Variants in SLC19A3 observed in about 807,000 individuals in gnomAD.
SLC19A3 encodes the protein thiamine transporter 2.
Under a neutral mutation model 40.2 loss-of-function variants are expected in SLC19A3, and 31 were observed. The ratio of observed to expected loss-of-function variants is 0.77; its 90% CI spans 0.58 to 1.04. The LOEUF (loss-of-function observed/expected upper bound fraction) is 1.04, where lower values mean the gene tolerates loss of function less well. SLC19A3 is among the 50% of genes least tolerant of loss of function. SLC19A3 has a pLI of 0.00. For missense variants in SLC19A3, 592 were observed against 596.7 expected (o/e 0.99, Z 0.08); for synonymous variants, 212 against 227.5 (o/e 0.93, Z 0.61).
chr2:227,708,762 G>C (rs1696040246), intron 1 of SLC19A3, among the ~76,000 whole-genome samples: 1 of 152,080 alleles, frequency 6.6e-6, no homozygotes, highest in Non-Finnish European at 1.5e-5. Context: ...TCCTAATTCT[G>C]TAGCATAGAA....
At position 227,699,245 on chromosome 2, in the gene SLC19A3, A is replaced by G; in HGVS notation, c.470T>C (p.Leu157Pro). The change falls in exon 3 of 6, where the codon CTG becomes CCG. Residue 157 changes from leucine to proline, a missense_variant. Coordinates refer to ENST00000644224, the MANE Select transcript of SLC19A3 (RefSeq NM_025243.4). Reference sequence around the variant, plus strand: ...CGCCAGGGATACCAAGAGTTGAGCCAGCACCGACCCTGCTGTGTAGGCGGC... The same window carrying G: ...CGCCAGGGATACCAAGAGTTGAGCCGGCACCGACCCTGCTGTGTAGGCGGC... ...TLAAYTAGSV[L>P]AQLLVSLANM... is the part of the protein sequence containing the mutation. The G allele has an allele frequency of 6.2e-7, 1 of 1,614,126 alleles. No homozygotes were observed. Among genetic ancestry groups the G allele is most frequent in the Non-Finnish European group, 8.5e-7 (1 of 1,179,980 alleles).
intron 4 of SLC19A3, chr2:227,695,597 G>A (rs1456707111): frequency 8.0e-6 from 3 of 376,314 alleles, no homozygotes; most frequent in East Asian, 6.2e-5. Context: ...AAGAGAGCCA[G>A]GCCATCTCTC....
intron 2 of SLC19A3, chr2:227,701,940 A>G (rs976690875): frequency 3.6e-5 from 18 of 502,206 alleles, no homozygotes; most frequent in African/African-American, 3.5e-4. Context: ...TTAGGACTCT[A>G]TGCAAGTTAA....
In SLC19A3 at chr2:227,703,734, T is replaced by TTA. The variant is rs1695807300; in HGVS notation, c.-2-1415_-2-1414insTA. ...TGGACAGGTGATCACTGAGGCTTGG[T>TTA]CATCTTCTGAAGAGTGGTCTTGCTG... On this transcript the variant is annotated intron_variant, in intron 1 of 5. Transcript: ENST00000644224. The surrounding 1 kb of genome is among the most constrained non-coding windows in gnomAD (Gnocchi z 4.7). Among the ~76,000 whole-genome samples the TTA allele has an allele frequency of 1.3e-5, 2 of 151,992 alleles. No individual in the cohort carries two copies. Among genetic ancestry groups the TTA allele is most frequent in the African/African-American group, 4.8e-5 (2 of 41,396 alleles).
At chr2:227,697,575 T>C (rs1457251758) in intron 3 of SLC19A3, among the ~76,000 whole-genome samples, 1 of 152,208 alleles carries the variant, frequency 6.6e-6, no homozygotes, top group Non-Finnish European at 1.5e-5. Context: ...TCAAATCCTG[T>C]ATTAACAAAA....
In SLC19A3 at chr2:227,687,159, G is replaced by C. The variant is rs1574539804; in HGVS notation, c.*238C>G. 9.6e-6 allele frequency: 4 copies of C among 418,054 alleles called. No homozygotes were observed. The East Asian group carries it at 1.6e-4, about 17-fold the overall frequency. 25.9% of individuals were successfully genotyped at this position (418,054 alleles called of 1,614,324 possible). ...ATTTTCCAGCTGCTACTAGTCACAG[G>C]GGGTCCCCAATATGGGTTGTTTAAT... On this transcript the variant is annotated 3_prime_UTR_variant, in exon 6 of 6. Coordinates refer to ENST00000644224, the MANE Select transcript of SLC19A3 (RefSeq NM_025243.4).
chr2:227,697,527 G>C (rs942671744), intron 3 of SLC19A3, among the ~76,000 whole-genome samples: 24 of 152,124 alleles, frequency 1.6e-4, no homozygotes, highest in African/African-American at 5.8e-4. Flanking sequence ...AGTTGTTGGT[G>C]TATAGCCTAG....
rs1465499049 is a variant in SLC19A3, at chr2:227,695,924, G to A, written c.1137C>T (p.Phe379=). The A allele has an allele frequency of 3.7e-6, 6 of 1,614,046 alleles. No homozygotes were observed. The highest frequency in any genetic ancestry group is 1.3e-5 in the African/African-American group (1 of 74,920). ...TTATAAGAAGCATATAGCTGGACTTGAATATCAAATAGCCAGCATAGCACG... is the reference window on the plus strand; with the variant it reads ...TTATAAGAAGCATATAGCTGGACTTAAATATCAAATAGCCAGCATAGCACG... ...IWACYAGYLI[F]KSSYMLLITI... The change falls in exon 4 of 6, where the codon TTC becomes TTT. Residue 379 remains phenylalanine (F), a synonymous_variant. Coordinates refer to ENST00000644224, the MANE Select transcript of SLC19A3 (RefSeq NM_025243.4).
intron 1 of SLC19A3, chr2:227,706,170 G>A (rs1695933643): frequency 4.1e-6 from 2 of 489,708 alleles, no homozygotes; most frequent in Non-Finnish European, 6.4e-6. Context: ...TTCTGGAATA[G>A]ACTGTTCTTT....
At chr2:227,690,907 T>C (rs1695202608) in intron 4 of SLC19A3, among the ~76,000 whole-genome samples, 1 of 151,972 alleles carries the variant, frequency 6.6e-6, no homozygotes, top group African/African-American at 2.4e-5. Flanking sequence ...TAATCTGCAC[T>C]ATAGAAAAAA....
chr2:227,701,075 G>A (rs761221193), intron 2 of SLC19A3: 1 of 1,303,056 alleles, frequency 7.7e-7, no homozygotes, highest in African/African-American at 1.5e-5. Flanking sequence ...CCCTGCATCT[G>A]TCCTTTGTTG....
At position 227,703,803 on chromosome 2, in the gene SLC19A3, T is replaced by C. The variant is rs1354783459; in HGVS notation, c.-2-1483A>G. Among the ~76,000 whole-genome samples the C allele has an allele frequency of 3.9e-5, 6 of 152,146 alleles. No homozygotes were observed. The highest frequency in any genetic ancestry group is 2.0e-4 in the Admixed American group (3 of 15,272). ...CTATATCCAGAGCCTCCTCTCCACC[T>C]TTGCTGACCACGGATTTGTTCTCTA... On this transcript the variant is annotated intron_variant, in intron 1 of 5. Transcript: ENST00000644224. The surrounding 1 kb of genome is among the most constrained non-coding windows in gnomAD (Gnocchi z 4.7).
At chr2:227,706,496 T>C in intron 1 of SLC19A3, 3 of 1,218,336 alleles carry the variant, frequency 2.5e-6, no homozygotes, top group Non-Finnish European at 3.1e-6. Flanking sequence ...AAAGGCTGGG[T>C]GTAGTGGCTC....
intron 4 of SLC19A3, among the ~76,000 whole-genome samples, chr2:227,694,841 G>A (rs953895546): frequency 2.6e-5 from 4 of 152,144 alleles, no homozygotes; most frequent in African/African-American, 7.2e-5. Context: ...GATTACTTGA[G>A]CCCAGGAGTT....
Position 227,695,519 on chromosome 2 carries a change from C to A in SLC19A3, c.1172+370G>T, listed in dbSNP as rs529234643. On this transcript the variant is annotated intron_variant, in intron 4 of 5. Coordinates refer to ENST00000644224, the MANE Select transcript of SLC19A3 (RefSeq NM_025243.4). ...CAGGAGGTTGAGGTTGGGGACTCAC[C>A]TGAGCCTGGGAAGTCAAGGCTGCAT... 13 of 248,256 alleles carry A rather than the reference C, an allele frequency of 5.2e-5. No individual in the cohort carries two copies. The East Asian group carries it at 1.2e-3, about 23-fold the overall frequency. The allele number at this position is 248,256 out of a possible 1,614,324, so 15.4% of individuals were successfully genotyped here. A position where few individuals can be genotyped will look rare whatever the true frequency, so the allele number is the denominator to read the frequency against.
In SLC19A3 at chr2:227,698,921, C is replaced by T. The variant is rs1695554071; in HGVS notation, c.794G>A (p.Trp265Ter). ...GTAGCACTCCTTCAAATCTTGGAAC[C>T]ACTGCACAAAAACGTCCACAGTCAC... ...SNVTVDVFVQ[W>*]FQDLKECYSS... The change falls in exon 3 of 6, where the codon TGG (tryptophan) becomes TAG (stop). Residue 265 changes from tryptophan (W) to a stop codon, truncating the protein, a stop_gained. Transcript: ENST00000644224. LOFTEE classifies it high-confidence loss of function. The T allele has an allele frequency of 6.2e-7, 1 of 1,613,916 alleles. No individual in the cohort carries two copies. Among genetic ancestry groups the T allele is most frequent in the African/African-American group, 1.3e-5 (1 of 74,890 alleles).
chr2:227,705,730 C>T (rs867902604), intron 1 of SLC19A3, among the ~76,000 whole-genome samples: 7 of 150,734 alleles, frequency 4.6e-5, no homozygotes, highest in Admixed American at 1.3e-4. Context: ...AATGGGGAGG[C>T]GGGGGAGGAA....
At chr2:227,713,042 A>G (rs7558660) in intron 1 of SLC19A3, among the ~76,000 whole-genome samples, 90,811 of 151,954 alleles carry the variant, frequency 0.6, 29,921 homozygotes, top group Non-Finnish European at 0.75. Context: ...CACTTATAAT[A>G]TACATTTTCT....
At chr2:227,689,045 A>G (rs1295096552) in intron 4 of SLC19A3, among the ~76,000 whole-genome samples, 3 of 152,186 alleles carry the variant, frequency 2.0e-5, no homozygotes, top group Non-Finnish European at 4.4e-5. Context: ...ATAATTAGCA[A>G]GCTTGAAGAC....
Sources: allele counts gnomAD v4.1 joint callset (sites outside exome capture counted in the v4.1 genomes callset), GRCh38; gene constraint gnomAD v4.1.1; non-coding constraint Gnocchi (gnomAD v3.1); transcripts MANE v1.5; gene names NCBI Gene and HGNC (gene_info 2026-07-23, HGNC 2026-07-21).